The following TMOD2 variants were observed in gnomAD, a reference collection of about 807,000 sequenced individuals.
TMOD2 encodes tropomodulin-2.
TMOD2 carries 22 observed loss-of-function variants against 39.9 expected under a neutral mutation model. That is an observed-to-expected ratio of 0.55 (90% CI 0.39 to 0.79). The LOEUF (loss-of-function observed/expected upper bound fraction) is 0.79, where lower values mean the gene tolerates loss of function less well. Among genes scored for constraint, TMOD2 ranks in the 30% least tolerant of loss-of-function variants. TMOD2 has a pLI of 0.00. For missense variants in TMOD2, 386 were observed against 413.3 expected, an observed-to-expected ratio of 0.93 and a Z score of 0.57; for synonymous variants, 123 against 146.1, an observed-to-expected ratio of 0.84 and a Z score of 1.14.
At chr15:51,801,413 T>A (rs1168264493) in intron 8 of TMOD2, among the ~76,000 whole-genome samples, 3 of 152,178 alleles carry the variant, frequency 2.0e-5, no homozygotes, top group Non-Finnish European at 4.4e-5. Context: ...CAAATTGTGT[T>A]CATTGACTCA....
chr15:51,804,624 G>C (rs185732486), intron 8 of TMOD2, among the ~76,000 whole-genome samples: 1 of 152,002 alleles, frequency 6.6e-6, no homozygotes, highest in Non-Finnish European at 1.5e-5. Context: ...CCAGGCTGGA[G>C]TGCAGTGGCA....
In TMOD2 at chr15:51,768,346, A is replaced by G. The variant is rs768320590; in HGVS notation, c.211A>G (p.Met71Val). Residue 71 changes from methionine to valine, a missense_variant, in exon 3 of 10, where the codon ATG (methionine) becomes GTG (valine). Met to Val is a conservative substitution (Grantham distance 21). Coordinates refer to ENST00000249700, the MANE Select transcript of TMOD2 (RefSeq NM_014548.4). ...CCCCTTTGACCGCGAGCACCTCCTC[A>G]TGTACCTGGAGAAGGAGGCTTTGGA... ...TGPFDREHLL[M>V]YLEKEALEQK... 2.5e-6 allele frequency: 4 copies of G among 1,614,104 alleles called. No homozygotes were observed. The highest frequency in any genetic ancestry group is 2.2e-5 in the South Asian group (2 of 91,080).
At chr15:51,771,894 G>A (rs1196078507) in intron 3 of TMOD2, among the ~76,000 whole-genome samples, 2 of 152,116 alleles carry the variant, frequency 1.3e-5, no homozygotes, top group African/African-American at 4.8e-5. Flanking sequence ...AAATGTGGCA[G>A]CTAAAGTGAT....
intron 2 of TMOD2, among the ~76,000 whole-genome samples, chr15:51,767,592 A>T (rs1000931827): frequency 3.3e-5 from 5 of 151,936 alleles, no homozygotes; most frequent in African/African-American, 1.2e-4. Flanking sequence ...ATATGCTGGA[A>T]ATTGCTCCGT....
intron 3 of TMOD2, among the ~76,000 whole-genome samples, chr15:51,770,443 G>A (rs1339234796): frequency 2.6e-5 from 4 of 152,136 alleles, no homozygotes; most frequent in Non-Finnish European, 5.9e-5. Flanking sequence ...TCCTGGCACA[G>A]CAACTGGCAT....
At chr15:51,786,622 G>A (rs1376917913) in intron 7 of TMOD2, among the ~76,000 whole-genome samples, 2 of 152,182 alleles carry the variant, frequency 1.3e-5, no homozygotes, top group African/African-American at 4.8e-5. Flanking sequence ...ACCGCATGTG[G>A]CCAAGCCAGG....
intron 3 of TMOD2, among the ~76,000 whole-genome samples, chr15:51,771,975 A>G (rs143138472): frequency 6.6e-6 from 1 of 152,324 alleles, no homozygotes; most frequent in African/African-American, 2.4e-5. Flanking sequence ...ACTGACGACA[A>G]GCAGTGCCTT....
At chr15:51,767,844 T>C (rs1237652567) in intron 2 of TMOD2, among the ~76,000 whole-genome samples, 1 of 152,238 alleles carries the variant, frequency 6.6e-6, no homozygotes, top group African/African-American at 2.4e-5. Context: ...CATCATAGTG[T>C]TTACTTATCA....
chr15:51,801,914 A>G lies in TMOD2; in HGVS notation c.876+3574A>G, dbSNP rs73409029. Among the ~76,000 whole-genome samples the G allele has an allele frequency of 9.4e-3, 1,422 of 150,634 alleles. 15 individuals carry two copies. The highest frequency in any genetic ancestry group is 0.019 in the African/African-American group (793 of 41,166). Reference sequence around the variant, plus strand: ...CGAGTCCAGCCTGGGCAACATAGCAAGACCTCATCTTTAAAATATATATAT... The same window carrying G: ...CGAGTCCAGCCTGGGCAACATAGCAGGACCTCATCTTTAAAATATATATAT... On this transcript the variant is annotated intron_variant, in intron 8 of 9. Coordinates refer to ENST00000249700, the MANE Select transcript of TMOD2 (RefSeq NM_014548.4).
intron 4 of TMOD2, among the ~76,000 whole-genome samples, chr15:51,774,786 C>T (rs1460446798): frequency 1.3e-5 from 2 of 152,108 alleles, no homozygotes; most frequent in East Asian, 1.9e-4. Context: ...GTTATGGCTA[C>T]TGCTCCTCCC....
chr15:51,791,344 A>G (rs2056010321), intron 7 of TMOD2, among the ~76,000 whole-genome samples: 2 of 152,208 alleles, frequency 1.3e-5, no homozygotes. Context: ...GCTCAAGGAA[A>G]TAAGAGAGAG....
intron 3 of TMOD2, among the ~76,000 whole-genome samples, chr15:51,773,365 T>C (rs1372219498): frequency 6.6e-6 from 1 of 152,164 alleles, no homozygotes; most frequent in Non-Finnish European, 1.5e-5. Context: ...GGAAGACTAG[T>C]ATGGGGTTCT....
At chr15:51,774,946 A>G (rs2055876958) in intron 4 of TMOD2, among the ~76,000 whole-genome samples, 1 of 152,020 alleles carries the variant, frequency 6.6e-6, no homozygotes, top group Non-Finnish European at 1.5e-5. Context: ...CAGTAAAACC[A>G]GAGAGAGAAT....
chr15:51,766,947 C>T (rs1327806236), intron 2 of TMOD2: 1 of 156,478 alleles, frequency 6.4e-6, no homozygotes, highest in African/African-American at 2.4e-5. Context: ...AACCCCTAGA[C>T]ATGGAGAGGT....
intron 1 of TMOD2, among the ~76,000 whole-genome samples, chr15:51,756,677 G>C (rs912494508): frequency 6.6e-6 from 1 of 152,180 alleles, no homozygotes; most frequent in Admixed American, 6.5e-5. Flanking sequence ...TGGCAAGTTT[G>C]TGTTGTAAGA....
intron 8 of TMOD2, among the ~76,000 whole-genome samples, chr15:51,800,441 C>G (rs967263261): frequency 6.6e-6 from 1 of 152,090 alleles, no homozygotes; most frequent in Non-Finnish European, 1.5e-5. Flanking sequence ...GAGGCTGAGG[C>G]GTGAGAATCA....
rs371198412 is a variant in TMOD2, at chr15:51,764,825, A to G, written c.-69-1548A>G. 2.6e-4 allele frequency among the ~76,000 whole-genome samples: 39 copies of G among 152,130 alleles called. No homozygotes were observed. The East Asian group carries it at 5.8e-3, about 23-fold the overall frequency. On this transcript the variant is annotated intron_variant, in intron 1 of 9. Coordinates refer to ENST00000249700, the MANE Select transcript of TMOD2 (RefSeq NM_014548.4). ...GTCCACCTTATGACCTCCTCCTTCA[A>G]TGTTCAAACACAGCCTCTTTTTCAC...
chr15:51,798,364 A>G, intron 8 of TMOD2, 24 bp downstream of exon 8: 1 of 1,612,690 alleles, frequency 6.2e-7, no homozygotes, highest in Non-Finnish European at 8.5e-7. Flanking sequence ...GAGAATAGGC[A>G]AAGTCAACTC....
chr15:51,804,903 G>GA (rs1294410557), intron 8 of TMOD2, among the ~76,000 whole-genome samples: 1 of 151,594 alleles, frequency 6.6e-6, no homozygotes, highest in African/African-American at 2.4e-5. Flanking sequence ...ACTGTGTTAT[G>GA]AAAAAATATA....
Sources: gnomAD v4.1 joint callset for allele counts (sites outside exome capture counted in the v4.1 genomes callset) on GRCh38, gnomAD v4.1.1 for gene constraint, MANE v1.5 for transcripts, NCBI Gene and HGNC (gene_info 2026-07-23, HGNC 2026-07-21) for gene names.